KCNT2: variants seen among roughly 807,000 people sequenced by gnomAD.
KCNT2 encodes the protein potassium sodium-activated channel subfamily T member 2, also known as potassium channel subfamily T member 2.
KCNT2 carries 67 observed loss-of-function variants against 153.8 expected under a neutral mutation model. The ratio of observed to expected loss-of-function variants is 0.44; its 90% CI spans 0.36 to 0.53. The LOEUF is 0.53. Among genes scored for constraint, KCNT2 ranks in the 20% least tolerant of loss-of-function variants. KCNT2 has a pLI of 0.00. For missense variants in KCNT2, 975 were observed against 1,354.8 expected (o/e 0.72, Z 4.40); for synonymous variants, 500 against 458.8 (o/e 1.09, Z -1.15).
chr1:196,494,011 T>C (rs1303872396), intron 1 of KCNT2, among the ~76,000 whole-genome samples: 6 of 152,216 alleles, frequency 3.9e-5, no homozygotes, highest in Non-Finnish European at 8.8e-5. Flanking sequence ...TGATATCTTT[T>C]AGCAGAACAT....
chr1:196,316,107 C>G, intron 20 of KCNT2, 81 bp from the exon 21 acceptor site: 1 of 1,282,296 alleles, frequency 7.8e-7, no homozygotes, highest in Non-Finnish European at 1.1e-6. Context: ...AGCACTATCC[C>G]CTGTGCTTAT....
intron 27 of KCNT2, among the ~76,000 whole-genome samples, chr1:196,234,401 C>T (rs777775180): frequency 6.6e-6 from 1 of 150,852 alleles, no homozygotes; most frequent in South Asian, 2.1e-4. Flanking sequence ...TGTTAAACTT[C>T]TTTTTCAATT....
At chr1:196,419,581 C>T (rs1452322140) in intron 12 of KCNT2, among the ~76,000 whole-genome samples, 1 of 151,574 alleles carries the variant, frequency 6.6e-6, no homozygotes. Context: ...TCCAGTCTAT[C>T]ATTGTTGGAC....
At chr1:196,583,127 A>C (rs946047066) in intron 1 of KCNT2, among the ~76,000 whole-genome samples, 1 of 152,088 alleles carries the variant, frequency 6.6e-6, no homozygotes, top group Non-Finnish European at 1.5e-5. Flanking sequence ...AGAAAAATTA[A>C]AACACCTCTC....
intron 13 of KCNT2, among the ~76,000 whole-genome samples, chr1:196,395,729 C>A (rs1162446428): frequency 6.6e-6 from 1 of 151,456 alleles, no homozygotes; most frequent in Non-Finnish European, 1.5e-5. Flanking sequence ...GTTATTTTGA[C>A]AAATTTATTA....
At chr1:196,526,644 G>T (rs753170678) in intron 1 of KCNT2, among the ~76,000 whole-genome samples, 4 of 151,916 alleles carry the variant, frequency 2.6e-5, no homozygotes, top group Admixed American at 6.6e-5. Context: ...GTAGAGATGG[G>T]GTTTCACCAT....
chr1:196,508,775 G>A (rs971195305), intron 1 of KCNT2, among the ~76,000 whole-genome samples: 1 of 152,142 alleles, frequency 6.6e-6, no homozygotes, highest in African/African-American at 2.4e-5. Flanking sequence ...AAATCAAAAG[G>A]TTTAATAAAG....
At chr1:196,395,171 T>C (rs528342836) in intron 13 of KCNT2, among the ~76,000 whole-genome samples, 49 of 151,638 alleles carry the variant, frequency 3.2e-4, no homozygotes, top group East Asian at 3.9e-4. Context: ...CCTAAAATAT[T>C]TTATATAATT....
At chr1:196,555,272 A>T (rs1406488995) in intron 1 of KCNT2, among the ~76,000 whole-genome samples, 1 of 151,154 alleles carries the variant, frequency 6.6e-6, no homozygotes, top group Non-Finnish European at 1.5e-5. Context: ...TACACAGAAA[A>T]CTATTAGAAC....
At chr1:196,473,830 T>G (rs1031622723) in intron 5 of KCNT2, among the ~76,000 whole-genome samples, 1 of 152,132 alleles carries the variant, frequency 6.6e-6, no homozygotes, top group Admixed American at 6.5e-5. Flanking sequence ...TGAAAAAAAG[T>G]ATGCTTTCAT....
intron 23 of KCNT2, among the ~76,000 whole-genome samples, chr1:196,284,339 T>C (rs1659449906): frequency 7.2e-6 from 1 of 138,754 alleles, no homozygotes; most frequent in Non-Finnish European, 1.6e-5. Context: ...TGTATCTCTA[T>C]TTATAACATA....
At chr1:196,300,313 C>T (rs1441255381) in intron 22 of KCNT2, among the ~76,000 whole-genome samples, 1 of 152,134 alleles carries the variant, frequency 6.6e-6, no homozygotes, top group Non-Finnish European at 1.5e-5. Flanking sequence ...GTGTTTTTAG[C>T]TCTTTTGATT....
At chr1:196,403,052 A>G (rs1671552237) in intron 12 of KCNT2, among the ~76,000 whole-genome samples, 1 of 151,704 alleles carries the variant, frequency 6.6e-6, no homozygotes, top group African/African-American at 2.4e-5. Flanking sequence ...TAATCCAGCA[A>G]TTGGGCTCCT....
At chr1:196,570,790 G>A (rs1660693585) in intron 1 of KCNT2, among the ~76,000 whole-genome samples, 1 of 152,050 alleles carries the variant, frequency 6.6e-6, no homozygotes, top group Admixed American at 6.6e-5. Context: ...TCTTGATGAA[G>A]ATTAAAGGTC....
chr1:196,587,415 A>G (rs1048386319), intron 1 of KCNT2, among the ~76,000 whole-genome samples: 1 of 152,082 alleles, frequency 6.6e-6, no homozygotes, highest in Non-Finnish European at 1.5e-5. Context: ...TTAAGATTTT[A>G]TACCCTCAAC....
intron 14 of KCNT2, among the ~76,000 whole-genome samples, chr1:196,369,675 A>G (rs1303708817): frequency 3.9e-5 from 6 of 152,190 alleles, no homozygotes; most frequent in Non-Finnish European, 8.8e-5. Flanking sequence ...TTATGGCTGC[A>G]TAATAATCCA....
At chr1:196,534,175 CTG>C (rs1273933988) in intron 1 of KCNT2, among the ~76,000 whole-genome samples, 1 of 152,040 alleles carries the variant, frequency 6.6e-6, no homozygotes, top group Non-Finnish European at 1.5e-5. Flanking sequence ...TATTCAAAGA[CTG>C]TTCCCATATC....
chr1:196,497,752 C>T (rs1680370479), intron 1 of KCNT2, among the ~76,000 whole-genome samples: 1 of 151,904 alleles, frequency 6.6e-6, no homozygotes. Context: ...TTTTCATGTA[C>T]TGATTTGGTG....
At position 196,425,920 on chromosome 1, in the gene KCNT2, TG is replaced by T; in HGVS notation, c.1052del (p.Pro351GlnfsTer21). 1 of 1,612,456 alleles carries T rather than the reference TG, an allele frequency of 6.2e-7. No individual in the cohort carries two copies. The highest frequency in any genetic ancestry group is 1.7e-5 in the Admixed American group (1 of 59,884). ...GGTAGATAACTCGTTGGGACCACAT[TG>T]GAATCTGCAGTACCCTTCGAACCTG... ...DVQVRRVLQI[P>X]MWSQRVIYLQ... On this transcript the variant is annotated frameshift_variant, in exon 11 of 28. Coordinates refer to ENST00000294725, the MANE Select transcript of KCNT2 (RefSeq NM_198503.5). LOFTEE classifies it high-confidence loss of function.
Sources: allele counts gnomAD v4.1 joint callset (sites outside exome capture counted in the v4.1 genomes callset), GRCh38; gene constraint gnomAD v4.1.1; transcripts MANE v1.5; gene names NCBI Gene and HGNC (gene_info 2026-07-23, HGNC 2026-07-21).